The following FTO variants were observed in gnomAD, a reference collection of about 807,000 sequenced individuals.
FTO encodes alpha-ketoglutarate-dependent dioxygenase FTO.
A neutral mutation model predicts 63.9 loss-of-function variants in FTO; 47 were observed. The ratio of observed to expected loss-of-function variants is 0.74; its 90% confidence interval spans 0.58 to 0.94. FTO has a LOEUF of 0.94. FTO is among the 40% of genes least tolerant of loss of function. The pLI, the probability that FTO is intolerant of heterozygous loss-of-function variation, is 0.00. For missense variants in FTO, 562 were observed against 618.1 expected (o/e 0.91, Z 0.96); for synonymous variants, 207 against 224.4 (o/e 0.92, Z 0.69).
intron 7 of FTO, among the ~76,000 whole-genome samples, chr16:53,925,377 TGAG>T: frequency 6.6e-6 from 1 of 152,032 alleles, no homozygotes. Flanking sequence ...GTGGTGGTAG[TGAG>T]GATGGGTAGA....
chr16:53,854,676 T>C (rs1015416411), intron 4 of FTO, among the ~76,000 whole-genome samples: 6 of 152,210 alleles, frequency 3.9e-5, no homozygotes, highest in Non-Finnish European at 8.8e-5. Flanking sequence ...GCTGTTTTAG[T>C]TACTACAGCT....
intron 8 of FTO, among the ~76,000 whole-genome samples, chr16:54,003,366 GTAATT>G (rs2084114976): frequency 6.6e-6 from 1 of 152,172 alleles, no homozygotes; most frequent in South Asian, 2.1e-4. Flanking sequence ...ATTTTAAAAA[GTAATT>G]TAATTTGTTT....
chr16:53,787,278 A>T (rs2077773363), intron 1 of FTO, among the ~76,000 whole-genome samples: 1 of 151,934 alleles, frequency 6.6e-6, no homozygotes, highest in Non-Finnish European at 1.5e-5. Flanking sequence ...GAAAAAGTCC[A>T]GTGAAAATGG....
intron 8 of FTO, chr16:53,981,637 C>T (rs185130387): frequency 1.0e-3 from 155 of 152,014 alleles, no homozygotes; most frequent in Admixed American, 1.3e-3. Flanking sequence ...GGTCCGGGTG[C>T]GGTGGCTCAC....
chr16:53,899,177 A>C lies in FTO; in HGVS notation c.1239+10226A>C, dbSNP rs1014264447. 2.6e-5 allele frequency among the ~76,000 whole-genome samples: 4 copies of C among 152,278 alleles called. No homozygotes were observed. The East Asian group carries it at 7.7e-4, about 29-fold the overall frequency. On this transcript the variant is annotated intron_variant, in intron 7 of 8. Coordinates refer to ENST00000471389, the MANE Select transcript of FTO (RefSeq NM_001080432.3). Reference sequence around the variant, plus strand: ...CTTGTTTTATGCCTCTGGCATTTATAGCTGAGAAGATTGAGCAATCACAGG... The same window carrying C: ...CTTGTTTTATGCCTCTGGCATTTATCGCTGAGAAGATTGAGCAATCACAGG...
At chr16:53,780,479 C>T (rs1434203107) in intron 1 of FTO, among the ~76,000 whole-genome samples, 2 of 152,038 alleles carry the variant, frequency 1.3e-5, no homozygotes, top group Non-Finnish European at 2.9e-5. Flanking sequence ...CTCTTGTTGC[C>T]CAGGCTGGAG....
chr16:53,888,763 C>T (rs889428294), intron 6 of FTO, 69 bp from the exon 7 acceptor site: 12 of 1,551,196 alleles, frequency 7.7e-6, no homozygotes, highest in African/African-American at 6.8e-5. Context: ...AATTAAGAGA[C>T]GAAGTCATTG....
chr16:54,038,680 CTTG>C (rs1364172107), intron 8 of FTO, among the ~76,000 whole-genome samples: 1 of 152,168 alleles, frequency 6.6e-6, no homozygotes, highest in African/African-American at 2.4e-5. Flanking sequence ...CATGAGAGAG[CTTG>C]TTGTTTAAAG....
At chr16:54,008,244 A>G (rs2084256451) in intron 8 of FTO, among the ~76,000 whole-genome samples, 1 of 152,184 alleles carries the variant, frequency 6.6e-6, no homozygotes, top group Non-Finnish European at 1.5e-5. Context: ...GATATTGTTG[A>G]AAACTAATGA....
intron 8 of FTO, among the ~76,000 whole-genome samples, chr16:53,954,215 T>A (rs2082867413): frequency 6.6e-6 from 1 of 152,136 alleles, no homozygotes; most frequent in African/African-American, 2.4e-5. Flanking sequence ...ATCTCGAGAA[T>A]GAGGAGTTAG....
At chr16:53,961,889 A>G (rs1316814648) in intron 8 of FTO, among the ~76,000 whole-genome samples, 1 of 152,024 alleles carries the variant, frequency 6.6e-6, no homozygotes, top group Non-Finnish European at 1.5e-5. Flanking sequence ...AAGACTTCCC[A>G]CCGGGCACCT....
intron 8 of FTO, among the ~76,000 whole-genome samples, chr16:53,990,436 G>A (rs1457495612): frequency 2.6e-5 from 4 of 152,108 alleles, no homozygotes; most frequent in African/African-American, 4.8e-5. Flanking sequence ...GCCTTGTGGT[G>A]TAGTTTCTGA....
chr16:54,044,229 C>A (rs1426831985), intron 8 of FTO, among the ~76,000 whole-genome samples: 1 of 74,952 alleles, frequency 1.3e-5, no homozygotes, highest in Non-Finnish European at 2.1e-5. Flanking sequence ...CGTGTAGAGA[C>A]ACACATAGGC....
intron 8 of FTO, among the ~76,000 whole-genome samples, chr16:54,016,838 A>C (rs2084460719): frequency 6.6e-6 from 1 of 152,196 alleles, no homozygotes; most frequent in South Asian, 2.1e-4. Context: ...TGGCTTTTGT[A>C]CACGCCAGAG....
intron 1 of FTO, among the ~76,000 whole-genome samples, chr16:53,774,004 G>A (rs749868233): frequency 6.6e-6 from 1 of 152,114 alleles, no homozygotes; most frequent in African/African-American, 2.4e-5. Flanking sequence ...TTCCATGGTC[G>A]TAAGTTCGGC....
intron 1 of FTO, among the ~76,000 whole-genome samples, chr16:53,720,684 AT>A (rs1315094106): frequency 6.7e-6 from 1 of 148,806 alleles, no homozygotes; most frequent in African/African-American, 2.4e-5. Context: ...AGATATATAT[AT>A]ATCTGTGTCT....
At chr16:53,846,755 T>C (rs567782996) in intron 4 of FTO, among the ~76,000 whole-genome samples, 6 of 150,318 alleles carry the variant, frequency 4.0e-5, no homozygotes, top group Middle Eastern at 6.8e-3. Context: ...GGAGCTGAGA[T>C]TGCACCACTG....
At chr16:53,822,806 A>T (rs1015384787) in intron 2 of FTO, among the ~76,000 whole-genome samples, 1 of 152,162 alleles carries the variant, frequency 6.6e-6, no homozygotes, top group Admixed American at 6.5e-5. Context: ...ACTCTTCCAG[A>T]TGGCCTTACA....
At chr16:54,098,337 A>T (rs576967390) in intron 8 of FTO, among the ~76,000 whole-genome samples, 1 of 152,340 alleles carries the variant, frequency 6.6e-6, no homozygotes, top group East Asian at 1.9e-4. Flanking sequence ...AAATCCAGAA[A>T]GACCCAGGAA....
Sources: allele counts gnomAD v4.1 joint callset (sites outside exome capture counted in the v4.1 genomes callset), GRCh38; gene constraint gnomAD v4.1.1; transcripts MANE v1.5; gene names NCBI Gene and HGNC (gene_info 2026-07-23, HGNC 2026-07-21).